NPFFR1: variants seen among roughly 807,000 people sequenced by gnomAD.
The protein encoded by NPFFR1 is neuropeptide FF receptor 1, also known as G-protein coupled receptor 147.
A neutral mutation model predicts 12.7 loss-of-function variants in NPFFR1; 17 were observed. The ratio of observed to expected loss-of-function variants is 1.34; its 90% confidence interval spans 0.92 to 2.01. The LOEUF (loss-of-function observed/expected upper bound fraction) is 2.01, where lower values mean the gene tolerates loss of function less well. Ranked by LOEUF, NPFFR1 falls within the 30% of genes most tolerant of loss-of-function variation. The pLI, the probability that NPFFR1 is intolerant of heterozygous loss-of-function variation, is 0.00. For missense variants in NPFFR1, 604 were observed against 606.5 expected (o/e 1.00, Z 0.04); for synonymous variants, 296 against 264.5 (o/e 1.12, Z -1.16).
At chr10:70,280,993 CTCCG>C (rs1473559387) in intron 1 of NPFFR1, among the ~76,000 whole-genome samples, 1 of 151,200 alleles carries the variant, frequency 6.6e-6, no homozygotes, top group Non-Finnish European at 1.5e-5. Context: ...CAGGGCGAGA[CTCCG>C]TCTCAAACAA....
chr10:70,276,799 C>T lies in NPFFR1; in HGVS notation c.7+6871G>A, dbSNP rs181903973. Reference sequence around the variant, plus strand: ...ACGGGGTTTCACCATGTTGGCCAGGCTGGTCTCAAACTCCTGACCTCAAGT... The same window carrying T: ...ACGGGGTTTCACCATGTTGGCCAGGTTGGTCTCAAACTCCTGACCTCAAGT... On this transcript the variant is annotated intron_variant, in intron 1 of 3. Transcript: ENST00000277942. Among the ~76,000 whole-genome samples, 895 of 152,158 alleles carry T rather than the reference C, an allele frequency of 5.9e-3. 4 individuals are homozygous for T. Among genetic ancestry groups the T allele is most frequent in the Admixed American group, 0.013 (205 of 15,284 alleles).
rs1840473399 is a variant in NPFFR1, at chr10:70,248,467, G to GTTTTTGTT, written c.*6489_*6490insAACAAAAA. Reference sequence around the variant, plus strand: ...CAAAGTACGTAGTACTATGCCTGGCGTTTTTTTTTTGTTTTTTGTTTTTTT... The same window carrying GTTTTTGTT: ...CAAAGTACGTAGTACTATGCCTGGCGTTTTTGTTTTTTTTTTTTGTTTTTTGTTTTTTT... On this transcript the variant is annotated 3_prime_UTR_variant, in exon 4 of 4. Transcript: ENST00000277942. 2.9e-4 allele frequency: 28 copies of GTTTTTGTT among 96,740 alleles called. 3 individuals carry two copies. Among genetic ancestry groups the GTTTTTGTT allele is most frequent in the African/African-American group, 3.2e-4 (8 of 24,704 alleles). 6.0% of individuals were successfully genotyped at this position (96,740 alleles called of 1,614,324 possible).
chr10:70,255,229 G>A lies in NPFFR1; in HGVS notation c.1021C>T (p.Gln341Ter). 1 of 1,553,516 alleles carries A rather than the reference G, an allele frequency of 6.4e-7. No individual in the cohort carries two copies. Among genetic ancestry groups the A allele is most frequent in the African/African-American group, 1.4e-5 (1 of 73,722 alleles). Residue 341 changes from glutamine (Q) to a stop codon, truncating the protein, a stop_gained, in exon 4 of 4, where the codon CAG becomes TAG. Coordinates refer to ENST00000277942, the MANE Select transcript of NPFFR1 (RefSeq NM_022146.5). LOFTEE classifies it low-confidence loss of function (END_TRUNC). This position sits in a 1 kb window ranked among gnomAD's most constrained non-coding sequence, Gnocchi z 4.2. ...CAGAGGCGGGCGCGGAAGGCGGCCTGGAAGCCGCGGCGGAAGTTCTCGTTG... is the reference window on the plus strand; with the variant it reads ...CAGAGGCGGGCGCGGAAGGCGGCCTAGAAGCCGCGGCGGAAGTTCTCGTTG... ...YFNENFRRGF[Q>*]AAFRARLCPR...
chr10:70,255,306 T>C lies in NPFFR1; in HGVS notation c.944A>G (p.His315Arg). The C allele has an allele frequency of 2.5e-6, 4 of 1,583,304 alleles. No homozygotes were observed. The highest frequency in any genetic ancestry group is 3.4e-6 in the Non-Finnish European group (4 of 1,168,770). ...LVTVYAFPFA[H>R]WLAFFNSSAN... ...GCTGCTGTTGAAGAAGGCCAGCCAGTGCGCGAAGGGGAAGGCGTAGACGGT... is the reference window on the plus strand; with the variant it reads ...GCTGCTGTTGAAGAAGGCCAGCCAGCGCGCGAAGGGGAAGGCGTAGACGGT... Residue 315 changes from histidine to arginine, a missense_variant, in exon 4 of 4, where the codon CAC becomes CGC. Physicochemically the swap from His to Arg is conservative, Grantham distance 29. Transcript: ENST00000277942. This position sits in a 1 kb window ranked among gnomAD's most constrained non-coding sequence, Gnocchi z 4.2.
intron 1 of NPFFR1, among the ~76,000 whole-genome samples, chr10:70,279,544 C>T (rs1472452062): frequency 6.6e-6 from 1 of 152,138 alleles, no homozygotes; most frequent in Non-Finnish European, 1.5e-5. Flanking sequence ...ACTGCAACCT[C>T]CACCCCCTGG....
At chr10:70,261,675 G>A (rs908349797) in intron 2 of NPFFR1, among the ~76,000 whole-genome samples, 2 of 152,150 alleles carry the variant, frequency 1.3e-5, no homozygotes, top group African/African-American at 2.4e-5. Context: ...GGCTGCTCAC[G>A]AGAATCATCT....
chr10:70,263,864 C>A (rs1840659753), intron 2 of NPFFR1, among the ~76,000 whole-genome samples: 1 of 152,130 alleles, frequency 6.6e-6, no homozygotes, highest in African/African-American at 2.4e-5. Flanking sequence ...GTAATCCCAG[C>A]ACTTTGGGAG....
intron 1 of NPFFR1, among the ~76,000 whole-genome samples, chr10:70,280,730 G>A (rs10999237): frequency 4.6e-5 from 7 of 151,992 alleles, no homozygotes; most frequent in African/African-American, 1.2e-4. Context: ...TAGGCTGGGC[G>A]TAGTGGCTCA....
intron 3 of NPFFR1, among the ~76,000 whole-genome samples, chr10:70,257,264 T>C (rs1432291167): frequency 6.6e-6 from 1 of 152,240 alleles, no homozygotes. Flanking sequence ...GACTCCATTT[T>C]GAAAAAGACT....
At position 70,252,908 on chromosome 10, in the gene NPFFR1, C is replaced by T. The variant is rs1840525563; in HGVS notation, c.*2049G>A. ...GAGAAACACACCCCAGAGGAGACAC[C>T]AGGTGGTGTCTTCAGACAATTCCCA... On this transcript the variant is annotated 3_prime_UTR_variant, in exon 4 of 4. Coordinates refer to ENST00000277942, the MANE Select transcript of NPFFR1 (RefSeq NM_022146.5). The T allele has an allele frequency of 6.6e-6, 1 of 152,092 alleles. No homozygotes were observed. The highest frequency in any genetic ancestry group is 2.4e-5 in the African/African-American group (1 of 41,386). 9.4% of individuals were successfully genotyped at this position (152,092 alleles called of 1,614,324 possible). A position where few individuals can be genotyped will look rare whatever the true frequency, so the allele number is the denominator to read the frequency against.
At chr10:70,268,297 CATT>C (rs1487883388) in intron 1 of NPFFR1, among the ~76,000 whole-genome samples, 1 of 152,158 alleles carries the variant, frequency 6.6e-6, no homozygotes, top group Non-Finnish European at 1.5e-5. Context: ...TGGTTTCCAT[CATT>C]ATCAAACCTA....
At chr10:70,271,180 C>T (rs560634726) in intron 1 of NPFFR1, among the ~76,000 whole-genome samples, 1 of 152,280 alleles carries the variant, frequency 6.6e-6, no homozygotes, top group South Asian at 2.1e-4. Context: ...TTCTTCCTGC[C>T]TCCTTACCTC....
intron 1 of NPFFR1, among the ~76,000 whole-genome samples, chr10:70,278,750 T>C (rs1405577008): frequency 2.0e-5 from 3 of 152,214 alleles, no homozygotes; most frequent in Admixed American, 6.5e-5. Context: ...AAACCCATTC[T>C]GGAAGAGGAA....
Position 70,255,590 on chromosome 10 carries a change from G to C in NPFFR1, c.660C>G (p.Leu220=). 2.6e-6 allele frequency: 4 copies of C among 1,554,692 alleles called. No homozygotes were observed. Among genetic ancestry groups the C allele is most frequent in the Non-Finnish European group, 3.5e-6 (4 of 1,149,250 alleles). Residue 220 remains leucine (L), a synonymous_variant, in exon 4 of 4, where the codon CTC becomes CTG. Coordinates refer to ENST00000277942, the MANE Select transcript of NPFFR1 (RefSeq NM_022146.5). The surrounding 1 kb of genome is among the most constrained non-coding windows in gnomAD (Gnocchi z 4.2). ...KGMRRVYTTV[L]FSHIYLAPLA... is the part of the protein sequence containing the mutation. ...GCGGCGCCAGGTAGATGTGCGAGAA[G>C]AGCACAGTGGTGTAGACCCTGCGCA...
Position 70,254,948 on chromosome 10 carries a change from T to C in NPFFR1, c.*9A>G. 1 of 1,014,628 alleles carries C rather than the reference T, an allele frequency of 9.9e-7. No homozygotes were observed. 62.9% of individuals were successfully genotyped at this position (1,014,628 alleles called of 1,614,324 possible). A position where few individuals can be genotyped will look rare whatever the true frequency, so the allele number is the denominator to read the frequency against. On this transcript the variant is annotated 3_prime_UTR_variant, in exon 4 of 4. Transcript: ENST00000277942. ...CCCTGAGGCAGCGTCCCGCCCTCCCTGGACCCCCTCAGATATCCCAGGCTG... is the reference window on the plus strand; with the variant it reads ...CCCTGAGGCAGCGTCCCGCCCTCCCCGGACCCCCTCAGATATCCCAGGCTG...
intron 1 of NPFFR1, among the ~76,000 whole-genome samples, chr10:70,276,156 A>G (rs1243893669): frequency 6.6e-6 from 1 of 152,194 alleles, no homozygotes; most frequent in Non-Finnish European, 1.5e-5. Context: ...TACAAAGCTG[A>G]CACTTTATGA....
chr10:70,276,189 C>T (rs1051047008), intron 1 of NPFFR1, among the ~76,000 whole-genome samples: 1 of 152,212 alleles, frequency 6.6e-6, no homozygotes, highest in Non-Finnish European at 1.5e-5. Flanking sequence ...TCACCTAAAA[C>T]CTTGCCTAAA....
chr10:70,281,225 A>G (rs942380798), intron 1 of NPFFR1, among the ~76,000 whole-genome samples: 6 of 152,158 alleles, frequency 3.9e-5, no homozygotes, highest in Non-Finnish European at 8.8e-5. Context: ...CTCTGAAGTC[A>G]CAAAAAGGGA....
chr10:70,283,559 C>T (rs1269191436), intron 1 of NPFFR1, 111 bp downstream of exon 1: 2 of 1,075,516 alleles, frequency 1.9e-6, no homozygotes, highest in African/African-American at 1.6e-5. Context: ...CAACGTCTGG[C>T]TCTGGACAGC....
Sources: allele counts gnomAD v4.1 joint callset (sites outside exome capture counted in the v4.1 genomes callset), GRCh38; gene constraint gnomAD v4.1.1; non-coding constraint Gnocchi (gnomAD v3.1); transcripts MANE v1.5; gene names NCBI Gene and HGNC (gene_info 2026-07-23, HGNC 2026-07-21).